GON4L: variants seen among roughly 807,000 people sequenced by gnomAD.
The protein encoded by GON4L is gon-4 like.
In GON4L, 87 loss-of-function variants were observed where a neutral mutation model predicts 211.8. That is an observed-to-expected ratio of 0.41 (90% CI 0.35 to 0.49). GON4L has a LOEUF of 0.49. Among genes scored for constraint, GON4L ranks in the 20% least tolerant of loss-of-function variants. The pLI, the probability that GON4L is intolerant of heterozygous loss-of-function variation, is 0.15. For synonymous variants in GON4L, 875 were observed against 962.6 expected (o/e 0.91, Z 1.68); for missense variants, 2,155 against 2,659.5 (o/e 0.81, Z 4.17).
chr1:155,754,547 T>TTTTAA, intron 27 of GON4L, 59 bp from the exon 28 acceptor site: 1 of 955,264 alleles, frequency 1.0e-6, no homozygotes. Context: ...TTTTTTTTTT[T>TTTTAA]GAGACAGAGT....
chr1:155,758,880 AAAAACAACAACAAT>A lies in GON4L; in HGVS notation c.5110-860_5110-847del, dbSNP rs1431199669. On this transcript the variant is annotated intron_variant, in intron 24 of 31. Coordinates refer to ENST00000368331, the MANE Select transcript of GON4L (RefSeq NM_001282860.2). ...GGTGACAGAGTCAGACTTTGCCTCA[AAAAACAACAACAAT>A]AAAACAACAACAACAAAACTCCTGG... Among the ~76,000 whole-genome samples the A allele has an allele frequency of 1.6e-3, 250 of 151,946 alleles. 1 individual carries two copies. Among genetic ancestry groups the A allele is most frequent in the African/African-American group, 5.7e-3 (234 of 41,250 alleles).
intron 19 of GON4L, among the ~76,000 whole-genome samples, chr1:155,769,168 G>T (rs991554828): frequency 1.6e-4 from 25 of 151,838 alleles, no homozygotes; most frequent in African/African-American, 5.3e-4. Flanking sequence ...TAGAGACGGG[G>T]TTTCACCATA....
chr1:155,826,843 G>C lies in GON4L; in HGVS notation c.691C>G (p.Pro231Ala). The C allele has an allele frequency of 1.2e-6, 2 of 1,603,728 alleles. No individual in the cohort carries two copies. Among genetic ancestry groups the C allele is most frequent in the Non-Finnish European group, 1.7e-6 (2 of 1,170,862 alleles). ...AAAGAAAAAGAAAGCCTACCCATTG[G>C]AATGAAGAGTCCACCATCTTCTATC... The part of the protein sequence containing the change: ...EEIEDGGLFI[P>A]MEEQDNEESE... Residue 231 changes from proline to alanine, a missense_variant, in exon 3 of 32, where the codon CCA becomes GCA. This residue lies in a region of GON4L where 313 missense variants were observed against 293.2 expected (regional missense o/e 1.07). Coordinates refer to ENST00000368331, the MANE Select transcript of GON4L (RefSeq NM_001282860.2).
In GON4L at chr1:155,763,366, T is replaced by C. The variant is rs1316461575; in HGVS notation, c.4672A>G (p.Thr1558Ala). The change falls in exon 22 of 32, where the codon ACT (threonine) becomes GCT (alanine). Residue 1558 changes from threonine to alanine, a missense_variant. By Grantham distance (58) the Thr-to-Ala change is moderately conservative. Transcript: ENST00000368331. ...AVGDSAEKPP[T>A]FASPETAPEV... is the part of the protein sequence containing the mutation. ...GGAGCAGTCTCAGGTGAAGCAAAAG[T>C]AGGAGGCTTCTCAGCAGAGTCTCCA... 1.2e-6 allele frequency: 2 copies of C among 1,613,444 alleles called. No individual in the cohort carries two copies. Among genetic ancestry groups the C allele is most frequent in the Non-Finnish European group, 1.7e-6 (2 of 1,179,690 alleles).
rs72706179 is a variant in GON4L, at chr1:155,844,259, T to C, written c.505+9017A>G. Among the ~76,000 whole-genome samples, 1,233 of 152,274 alleles carry C rather than the reference T, an allele frequency of 8.1e-3. 9 individuals are homozygous for C. The highest frequency in any genetic ancestry group is 0.011 in the Non-Finnish European group (746 of 68,026). On this transcript the variant is annotated intron_variant, in intron 2 of 31. Transcript: ENST00000368331. ...CAGGAATCTCTGGACTCTTTGGCAA[T>C]TGTAGCCCTGACAACAGACTAGTCT... is the stretch of plus-strand genomic sequence containing the variant.
At chr1:155,858,265 AT>A (rs1248613625), upstream of GON4L, among the ~76,000 whole-genome samples, 2 of 152,254 alleles carry the variant, frequency 1.3e-5, no homozygotes, top group African/African-American at 4.8e-5. Flanking sequence ...GATTAAAAAA[AT>A]AATAAAAAAC....
At chr1:155,849,483 G>GCAATGA (rs1359617932) in intron 2 of GON4L, among the ~76,000 whole-genome samples, 1 of 148,234 alleles carries the variant, frequency 6.7e-6, no homozygotes, top group Non-Finnish European at 1.5e-5. Context: ...GGTGAAGCTT[G>GCAATGA]CAATGAGCCG....
chr1:155,816,551 C>T (rs1571846085), intron 6 of GON4L, among the ~76,000 whole-genome samples: 2 of 152,084 alleles, frequency 1.3e-5, no homozygotes, highest in South Asian at 4.2e-4. Context: ...ATCACAGCTG[C>T]GGTTTACATG....
At position 155,765,341 on chromosome 1, in the gene GON4L, G is replaced by A; in HGVS notation, c.4132C>T (p.Gln1378Ter). 1 of 1,614,150 alleles carries A rather than the reference G, an allele frequency of 6.2e-7. No homozygotes were observed. The highest frequency in any genetic ancestry group is 8.5e-7 in the Non-Finnish European group (1 of 1,179,998). Residue 1378 changes from glutamine (Q) to a stop codon, truncating the protein, a stop_gained, in exon 21 of 32, where the codon CAG becomes TAG. Coordinates refer to ENST00000368331, the MANE Select transcript of GON4L (RefSeq NM_001282860.2). LOFTEE classifies it high-confidence loss of function. ...AGEVTKQTVLQKEEERSQPTK... is the reference protein window; with the variant it reads ...AGEVTKQTVL ...GGCTGACTCCTCTCCTCTTCCTTCT[G>A]TAAGACTGTCTGTTTCGTTACTTCT...
chr1:155,818,062 G>A lies in GON4L; in HGVS notation c.1015-1800C>T, dbSNP rs559644362. ...TCATGGCCAATAAACATAATTCAGA[G>A]CCTAATTTGATCTCCTTGGATTTTT... On this transcript the variant is annotated intron_variant, in intron 6 of 31. Transcript: ENST00000368331. Among the ~76,000 whole-genome samples, 15 of 151,758 alleles carry A rather than the reference G, an allele frequency of 9.9e-5. 1 individual carries two copies. The South Asian group carries it at 3.1e-3, about 32-fold the overall frequency.
rs926448876 is a variant in GON4L at position 155,853,948 on chromosome 1, A to G, written c.-26-142T>C. The stretch of plus-strand genomic sequence containing the variant: ...ACAATTTCCCTTTAGGTGGAAGTTG[A>G]GAGACAGTGGTTAAGTGACTGAGTT... On this transcript the variant is annotated intron_variant, in intron 1 of 31. Coordinates refer to ENST00000368331, the MANE Select transcript of GON4L (RefSeq NM_001282860.2). The G allele has an allele frequency of 1.8e-5, 12 of 649,414 alleles. No individual in the cohort carries two copies. In the African/African-American group the frequency reaches 2.2e-4, roughly 12 times the overall value. The allele number at this position is 649,414 out of a possible 1,614,324, so 40.2% of individuals were successfully genotyped here.
At chr1:155,751,171 G>C (rs1002849692) in intron 31 of GON4L, among the ~76,000 whole-genome samples, 2 of 152,174 alleles carry the variant, frequency 1.3e-5, no homozygotes, top group African/African-American at 4.8e-5. Flanking sequence ...TGTCATTATA[G>C]ATAAGGAAAC....
chr1:155,827,701 A>C (rs72706172), intron 2 of GON4L, among the ~76,000 whole-genome samples: 3,722 of 19,114 alleles, frequency 0.19, 43 homozygotes, highest in Non-Finnish European at 0.48. Flanking sequence ...CACACACACA[A>C]AAAAAAAAGC....
rs376747 is a variant in GON4L at position 155,752,007 on chromosome 1, G to C, written c.6426C>G (p.Asn2142Lys). Reference sequence around the variant, plus strand: ...CCCCAGTGGAGCTGACCTTGCTGTTGTTGGCACACACCGTAGCTTCTGCGG... The same window carrying C: ...CCCCAGTGGAGCTGACCTTGCTGTTCTTGGCACACACCGTAGCTTCTGCGG... ...PKAAEATVCA[N>K]NSKVSSTGEK... Residue 2142 changes from asparagine to lysine, a missense_variant, in exon 30 of 32, where the codon AAC (asparagine) becomes AAG (lysine). By Grantham distance (94) the Asn-to-Lys change is moderately conservative. This residue lies in a region of GON4L where 186 missense variants were observed against 308.1 expected (regional missense o/e 0.60). Coordinates refer to ENST00000368331, the MANE Select transcript of GON4L (RefSeq NM_001282860.2). 1.9e-6 allele frequency: 3 copies of C among 1,613,164 alleles called. No individual in the cohort carries two copies. In the African/African-American group the frequency reaches 4.0e-5, roughly 22 times the overall value.
At chr1:155,798,505 G>A (rs949328234) in intron 11 of GON4L, among the ~76,000 whole-genome samples, 1 of 147,960 alleles carries the variant, frequency 6.8e-6, no homozygotes, top group African/African-American at 2.5e-5. Flanking sequence ...TGCCTCCCGG[G>A]TTCACGCCAT....
At chr1:155,828,786 C>A (rs963660454) in intron 2 of GON4L, among the ~76,000 whole-genome samples, 1 of 130,442 alleles carries the variant, frequency 7.7e-6, no homozygotes, top group South Asian at 2.4e-4. Context: ...CCAGCCTGGG[C>A]GACAGAGAGA....
At chr1:155,803,260 T>C (rs1387833840) in intron 11 of GON4L, among the ~76,000 whole-genome samples, 1 of 151,620 alleles carries the variant, frequency 6.6e-6, no homozygotes, top group African/African-American at 2.4e-5. Context: ...TTTTTTTTTT[T>C]TTTGAGATGG....
intron 12 of GON4L, among the ~76,000 whole-genome samples, chr1:155,791,932 C>CATAACATAACATAAT (rs1553205802): frequency 0.017 from 2,254 of 133,190 alleles, 198 homozygotes; most frequent in Middle Eastern, 0.026. Flanking sequence ...CATCACATAA[C>CATAACATAACATAAT]ATAACATAAC....
chr1:155,858,210 T>A (rs1477638071), upstream of GON4L, among the ~76,000 whole-genome samples: 5 of 152,182 alleles, frequency 3.3e-5, no homozygotes, highest in African/African-American at 1.2e-4. Context: ...TCTAAAATGA[T>A]GTTATTTCCA....
Sources: gnomAD v4.1 joint callset for allele counts (sites outside exome capture counted in the v4.1 genomes callset) on GRCh38, gnomAD v4.1.1 for gene constraint, gnomAD v4.1.1 regional missense constraint, MANE v1.5 for transcripts, NCBI Gene and HGNC (gene_info 2026-07-23, HGNC 2026-07-21) for gene names.